FNDC3A: variants seen among roughly 807,000 people sequenced by gnomAD.
The protein encoded by FNDC3A is fibronectin type-III domain-containing protein 3A.
In FNDC3A, 32 loss-of-function variants were observed where a neutral mutation model predicts 148.9. The ratio of observed to expected loss-of-function variants is 0.21; its 90% confidence interval spans 0.16 to 0.29. The LOEUF is 0.29. Among genes scored for constraint, FNDC3A ranks in the 10% least tolerant of loss-of-function variants. The pLI, the probability that FNDC3A is intolerant of heterozygous loss-of-function variation, is 1.00. For synonymous variants in FNDC3A, 472 were observed against 473.6 expected, an observed-to-expected ratio of 1.00 and a Z score of 0.04; for missense variants, 1,191 against 1,452.8, an observed-to-expected ratio of 0.82 and a Z score of 2.93.
chr13:49,103,677 A>G (rs902303256), intron 3 of FNDC3A, among the ~76,000 whole-genome samples: 1 of 152,210 alleles, frequency 6.6e-6, no homozygotes, highest in Non-Finnish European at 1.5e-5. Context: ...GATTTGAGAG[A>G]TATTTAGGAG....
At chr13:49,172,639 C>T (rs1266397605) in intron 11 of FNDC3A, among the ~76,000 whole-genome samples, 1 of 152,188 alleles carries the variant, frequency 6.6e-6, no homozygotes, top group South Asian at 2.1e-4. Flanking sequence ...CACCTTCCTC[C>T]TCTGTCTTCA....
At chr13:49,058,005 T>A (rs1876381107) in intron 2 of FNDC3A, among the ~76,000 whole-genome samples, 1 of 152,010 alleles carries the variant, frequency 6.6e-6, no homozygotes. Context: ...AGAGATTAGA[T>A]CTCTAAAGAA....
chr13:49,008,391 A>G (rs570952252), intron 2 of FNDC3A, among the ~76,000 whole-genome samples: 4 of 152,294 alleles, frequency 2.6e-5, no homozygotes, highest in East Asian at 1.9e-4. Context: ...TAGCTTACCT[A>G]TGGAGATATG....
intron 1 of FNDC3A, among the ~76,000 whole-genome samples, chr13:48,987,611 C>T (rs1951829590): frequency 6.6e-6 from 1 of 152,124 alleles, no homozygotes. Context: ...GCTTATCCAT[C>T]CGACCAACAC....
At chr13:49,050,591 T>C (rs568726468) in intron 2 of FNDC3A, among the ~76,000 whole-genome samples, 97 of 152,348 alleles carry the variant, frequency 6.4e-4, no homozygotes, top group African/African-American at 2.0e-3. Flanking sequence ...ATGTTCCATA[T>C]GCTGATGAAC....
At chr13:49,123,929 C>G (rs745456218) in intron 4 of FNDC3A, among the ~76,000 whole-genome samples, 1 of 152,176 alleles carries the variant, frequency 6.6e-6, no homozygotes, top group Non-Finnish European at 1.5e-5. Context: ...TTGTGGAAGA[C>G]AGTGTGGCAA....
chr13:49,167,352 T>G (rs779753109), intron 9 of FNDC3A, 49 bp downstream of exon 9: 45 of 1,000,386 alleles, frequency 4.5e-5, no homozygotes, highest in Non-Finnish European at 6.2e-5. Flanking sequence ...ATAAGGGGTT[T>G]TTTTTTTAAA....
chr13:49,186,020 T>C lies in FNDC3A; in HGVS notation c.1674T>C (p.Thr558=), dbSNP rs1352157337. Residue 558 remains threonine (T), a synonymous_variant, in exon 15 of 26, where the codon ACT becomes ACC. Coordinates refer to ENST00000492622, the MANE Select transcript of FNDC3A (RefSeq NM_001079673.2). The part of the protein sequence containing the change: ...KSNPSEVVEF[T]TCPDKPGIPV... ...ATCCAAGTGAAGTAGTAGAATTTAC[T>C]ACTTGCCCTGATAAACCAGGCATAC... 1.9e-6 allele frequency: 3 copies of C among 1,611,848 alleles called. No homozygotes were observed. Among genetic ancestry groups the C allele is most frequent in the Non-Finnish European group, 2.5e-6 (3 of 1,178,238 alleles).
In FNDC3A at chr13:49,201,934, C is replaced by T. The variant is rs143582787; in HGVS notation, c.3122C>T (p.Thr1041Ile). The T allele has an allele frequency of 6.3e-7, 1 of 1,586,824 alleles. No homozygotes were observed. Among genetic ancestry groups the T allele is most frequent in the Non-Finnish European group, 8.6e-7 (1 of 1,167,890 alleles). The change falls in exon 24 of 26, where the codon ACT (threonine) becomes ATT (isoleucine). Residue 1041 changes from threonine (T) to isoleucine (I), a missense_variant. Transcript: ENST00000492622. ...CCCCTCTCCCAAGAATATATTTTCA[C>T]TACTCCAAAATCTGTCCCAGCTGCC... ...EGPLSQEYIF[T>I]TPKSVPAALK...
intron 4 of FNDC3A, among the ~76,000 whole-genome samples, chr13:49,129,750 A>G (rs1222153957): frequency 2.0e-5 from 3 of 152,188 alleles, no homozygotes; most frequent in Non-Finnish European, 4.4e-5. Context: ...CAGTTAATTC[A>G]TTTGGTCATC....
chr13:49,148,708 C>A (rs1328175937), intron 8 of FNDC3A, among the ~76,000 whole-genome samples: 1 of 152,072 alleles, frequency 6.6e-6, no homozygotes, highest in African/African-American at 2.4e-5. Context: ...GTTCCATAGA[C>A]ATTTTTGGAT....
rs368735048 is a variant in FNDC3A at position 49,174,250 on chromosome 13, T to TGGTGTC, written c.1231-180_1231-179insCGGTGT. On this transcript the variant is annotated intron_variant, in intron 11 of 25. Coordinates refer to ENST00000492622, the MANE Select transcript of FNDC3A (RefSeq NM_001079673.2). ...AAGCTGTACAAAGATACCTGCTCTC[T>TGGTGTC]GGTGTTTTAATTCTGCATTTGATGA... 9.5e-4 allele frequency among the ~76,000 whole-genome samples: 145 copies of TGGTGTC among 152,320 alleles called. 1 individual carries two copies. Among genetic ancestry groups the TGGTGTC allele is most frequent in the African/African-American group, 3.4e-3 (140 of 41,584 alleles).
At chr13:49,021,614 A>G (rs1873332611) in intron 2 of FNDC3A, among the ~76,000 whole-genome samples, 1 of 152,192 alleles carries the variant, frequency 6.6e-6, no homozygotes, top group East Asian at 1.9e-4. Context: ...AATTAAAATG[A>G]CACAAAGCTC....
Position 49,014,075 on chromosome 13 carries a change from T to C in FNDC3A, c.99+7786T>C, listed in dbSNP as rs1183039517. On this transcript the variant is annotated intron_variant, in intron 2 of 25. Transcript: ENST00000492622. ...GTAAACATACGTGTGCATGTGTCTT[T>C]ATAGCAGCATGATTTATAGTCCTTT... is the stretch of plus-strand genomic sequence containing the variant. Among the ~76,000 whole-genome samples, 8 of 143,202 alleles carry C rather than the reference T, an allele frequency of 5.6e-5. No individual in the cohort carries two copies. In the Admixed American group the frequency reaches 5.6e-4, roughly 10 times the overall value. The allele number at this position is 143,202 out of a possible 152,430, so 93.9% of individuals were successfully genotyped here.
intron 1 of FNDC3A, among the ~76,000 whole-genome samples, chr13:48,987,492 C>G (rs560501059): frequency 6.6e-6 from 1 of 152,172 alleles, no homozygotes; most frequent in South Asian, 2.1e-4. Flanking sequence ...TCCTAAATGT[C>G]TAATTAAATT....
At chr13:48,990,560 T>C (rs1240379958) in intron 1 of FNDC3A, among the ~76,000 whole-genome samples, 1 of 109,950 alleles carries the variant, frequency 9.1e-6, no homozygotes, top group Admixed American at 1.4e-4. Flanking sequence ...GAGACCAGCC[T>C]GGGCAACATG....
At chr13:49,017,920 G>A (rs1455086297) in intron 2 of FNDC3A, among the ~76,000 whole-genome samples, 2 of 152,064 alleles carry the variant, frequency 1.3e-5, no homozygotes, top group African/African-American at 2.4e-5. Context: ...AAGAATGTTG[G>A]ATATTGGCCC....
chr13:48,995,048 A>G lies in FNDC3A; in HGVS notation c.-39-11104A>G, dbSNP rs573579258. ...AAATCATCACTTATTGTGGTGTTTCAGTGAGAAAATATTTTCCAATTATAT... is the reference window on the plus strand; with the variant it reads ...AAATCATCACTTATTGTGGTGTTTCGGTGAGAAAATATTTTCCAATTATAT... On this transcript the variant is annotated intron_variant, in intron 1 of 25. Coordinates refer to ENST00000492622, the MANE Select transcript of FNDC3A (RefSeq NM_001079673.2). Among the ~76,000 whole-genome samples, 3 of 152,288 alleles carry G rather than the reference A, an allele frequency of 2.0e-5. No homozygotes were observed. In the East Asian group the frequency reaches 5.8e-4, roughly 29 times the overall value.
intron 2 of FNDC3A, among the ~76,000 whole-genome samples, chr13:49,067,671 T>C (rs764469283): frequency 1.3e-5 from 2 of 152,374 alleles, no homozygotes; most frequent in South Asian, 2.1e-4. Context: ...TCATTTCTTA[T>C]TGATTTCGTC....
Sources: allele counts gnomAD v4.1 joint callset (sites outside exome capture counted in the v4.1 genomes callset), GRCh38; gene constraint gnomAD v4.1.1; transcripts MANE v1.5; gene names NCBI Gene and HGNC (gene_info 2026-07-23, HGNC 2026-07-21).